LRRTM4: variants seen among roughly 807,000 people sequenced by gnomAD.
LRRTM4 encodes the protein leucine-rich repeat transmembrane neuronal protein 4.
A neutral mutation model predicts 47.6 loss-of-function variants in LRRTM4; 25 were observed. The observed-to-expected ratio is 0.53, with a 90% CI of 0.38 to 0.73. The LOEUF is 0.73. Ranked by LOEUF, LRRTM4 falls within the 30% of genes least tolerant of loss-of-function variation. The pLI is 0.00. For synonymous variants in LRRTM4, 311 were observed against 269.5 expected, an observed-to-expected ratio of 1.15 and a Z score of -1.51; for missense variants, 638 against 713.4, an observed-to-expected ratio of 0.89 and a Z score of 1.20.
chr2:77,466,584 T>C (rs1676990209), intron 3 of LRRTM4, among the ~76,000 whole-genome samples: 1 of 152,136 alleles, frequency 6.6e-6, no homozygotes, highest in Non-Finnish European at 1.5e-5. Context: ...TTGTGAAAAA[T>C]TGACAAATTC....
Position 76,747,797 on chromosome 2 carries a change from T to C in LRRTM4, c.*898A>G, listed in dbSNP as rs1672697399. ...AATTGATAATTAATTTAAAAAGCAA[T>C]GTTACACATTATCTTGTGTTTAGAA... On this transcript the variant is annotated 3_prime_UTR_variant, in exon 4 of 4. Transcript: ENST00000409884. 1 of 152,206 alleles carries C rather than the reference T, an allele frequency of 6.6e-6. No individual in the cohort carries two copies. Among genetic ancestry groups the C allele is most frequent in the African/African-American group, 2.4e-5 (1 of 41,454 alleles). The allele number at this position is 152,206 out of a possible 1,614,324, so 9.4% of individuals were successfully genotyped here. A position where few individuals can be genotyped will look rare whatever the true frequency, so the allele number is the denominator to read the frequency against.
chr2:77,285,491 CA>C (rs1452627104), intron 3 of LRRTM4, among the ~76,000 whole-genome samples: 1 of 151,622 alleles, frequency 6.6e-6, no homozygotes, highest in Non-Finnish European at 1.5e-5. Flanking sequence ...CCTGTAATCC[CA>C]GCACTTTGGG....
intron 3 of LRRTM4, among the ~76,000 whole-genome samples, chr2:77,481,806 G>C (rs752629576): frequency 1.9e-4 from 29 of 151,930 alleles, no homozygotes; most frequent in Middle Eastern, 3.4e-3. Context: ...AAGGATGAAG[G>C]CAACAGCTTT....
intron 3 of LRRTM4, among the ~76,000 whole-genome samples, chr2:77,032,814 T>C (rs923367266): frequency 2.0e-5 from 3 of 152,130 alleles, no homozygotes; most frequent in African/African-American, 7.2e-5. Context: ...AATGATATGT[T>C]TGGAAATGCT....
intron 3 of LRRTM4, among the ~76,000 whole-genome samples, chr2:77,453,608 C>CA (rs1676351059): frequency 6.6e-6 from 1 of 152,118 alleles, no homozygotes. Flanking sequence ...TGCTATTTGA[C>CA]AAATTTTAGC....
chr2:77,042,286 G>A (rs746259193), intron 3 of LRRTM4, among the ~76,000 whole-genome samples: 2 of 151,236 alleles, frequency 1.3e-5, no homozygotes, highest in African/African-American at 4.8e-5. Context: ...AGAAAAAATA[G>A]AAAGAAAGAA....
rs574612291 is a variant in LRRTM4, at chr2:77,270,615, G to T, written c.1551+247703C>A. Among the ~76,000 whole-genome samples, 7 of 152,126 alleles carry T rather than the reference G, an allele frequency of 4.6e-5. No homozygotes were observed. In the East Asian group the frequency reaches 1.2e-3, roughly 25 times the overall value. On this transcript the variant is annotated intron_variant, in intron 3 of 3. Coordinates refer to ENST00000409884, the MANE Select transcript of LRRTM4 (RefSeq NM_001134745.3). Reference sequence around the variant, plus strand: ...CTATTCTACTTCCTCATTCTTATTTGACCATTAACATTTCTGATACTATCC... The same window carrying T: ...CTATTCTACTTCCTCATTCTTATTTTACCATTAACATTTCTGATACTATCC...
rs991933877 is a variant in LRRTM4 at position 76,910,875 on chromosome 2, C to T, written c.1552-161959G>A. On this transcript the variant is annotated intron_variant, in intron 3 of 3. Transcript: ENST00000409884. ...TCTGTCTTTTCTGACCATTCTTGTGCATTCTGCGTCTGTACTAAATAGCAG... is the reference window on the plus strand; with the variant it reads ...TCTGTCTTTTCTGACCATTCTTGTGTATTCTGCGTCTGTACTAAATAGCAG... Among the ~76,000 whole-genome samples, 7 of 152,148 alleles carry T rather than the reference C, an allele frequency of 4.6e-5. No homozygotes were observed. In the South Asian group the frequency reaches 1.4e-3, roughly 32 times the overall value.
intron 3 of LRRTM4, among the ~76,000 whole-genome samples, chr2:77,220,408 G>A (rs956717885): frequency 5.9e-5 from 9 of 152,104 alleles, no homozygotes; most frequent in Admixed American, 2.0e-4. Flanking sequence ...AAACTACTCC[G>A]AGCTAAAGGA....
chr2:77,484,251 T>C (rs1367104563), intron 3 of LRRTM4, among the ~76,000 whole-genome samples: 3 of 152,244 alleles, frequency 2.0e-5, no homozygotes, highest in African/African-American at 4.8e-5. Context: ...AGGGGATTTC[T>C]TATGTAGATA....
intron 3 of LRRTM4, among the ~76,000 whole-genome samples, chr2:77,069,636 A>C (rs1680084602): frequency 6.6e-6 from 1 of 151,816 alleles, no homozygotes; most frequent in East Asian, 1.9e-4. Context: ...ATTTCAAGAG[A>C]TTTGTCTATT....
intron 3 of LRRTM4, among the ~76,000 whole-genome samples, chr2:77,262,979 C>A (rs1675959143): frequency 6.6e-6 from 1 of 151,948 alleles, no homozygotes; most frequent in African/African-American, 2.4e-5. Context: ...AGGTTGGTTG[C>A]CAAGGGAACG....
chr2:76,779,512 G>T (rs1483584013), intron 3 of LRRTM4, among the ~76,000 whole-genome samples: 3 of 141,982 alleles, frequency 2.1e-5, no homozygotes, highest in Non-Finnish European at 4.6e-5. Context: ...TTACCATCAT[G>T]TAATGGCCTT....
At chr2:77,225,424 G>GAA (rs34525667) in intron 3 of LRRTM4, among the ~76,000 whole-genome samples, 1 of 143,960 alleles carries the variant, frequency 6.9e-6, no homozygotes. Context: ...AAAATTGTGA[G>GAA]AAAAAAAAAA....
rs1335616878 is a variant in LRRTM4, at chr2:76,764,044, TGTA to T, written c.1552-15131_1552-15129del. ...GTAAAAAGAACTCAGTTGAATGTGT[TGTA>T]GTGTTTAGAGGAAGAAAAATTGTTA... On this transcript the variant is annotated intron_variant, in intron 3 of 3. Transcript: ENST00000409884. Among the ~76,000 whole-genome samples the T allele has an allele frequency of 1.3e-4, 20 of 152,244 alleles. No individual in the cohort carries two copies. In the East Asian group the frequency reaches 3.7e-3, roughly 28 times the overall value.
rs547265656 is a variant in LRRTM4, at chr2:76,950,221, T to C, written c.1552-201305A>G. On this transcript the variant is annotated intron_variant, in intron 3 of 3. Transcript: ENST00000409884. ...AGAAAACAAGAGCAACCACCAGTTC[T>C]GAAAAGTAGTCTAAATACATATATT... Among the ~76,000 whole-genome samples, 340 of 152,114 alleles carry C rather than the reference T, an allele frequency of 2.2e-3. 1 individual carries two copies. Among genetic ancestry groups the C allele is most frequent in the Non-Finnish European group, 3.9e-3 (263 of 67,920 alleles).
intron 3 of LRRTM4, among the ~76,000 whole-genome samples, chr2:77,181,063 C>A (rs1197266393): frequency 6.6e-6 from 1 of 152,064 alleles, no homozygotes; most frequent in African/African-American, 2.4e-5. Context: ...TTACAAATGA[C>A]TTTACCAAAG....
chr2:76,842,291 C>A (rs1051500509), intron 3 of LRRTM4, among the ~76,000 whole-genome samples: 10 of 152,174 alleles, frequency 6.6e-5, no homozygotes, highest in African/African-American at 2.2e-4. Context: ...CTCAGGCCTT[C>A]ATACTACACC....
chr2:76,813,079 G>A (rs187320009), intron 3 of LRRTM4, among the ~76,000 whole-genome samples: 3 of 151,992 alleles, frequency 2.0e-5, no homozygotes, highest in East Asian at 3.9e-4. Context: ...CAGGACAATC[G>A]CTTGAACCCA....
Sources: allele counts gnomAD v4.1 joint callset (sites outside exome capture counted in the v4.1 genomes callset), GRCh38; gene constraint gnomAD v4.1.1; transcripts MANE v1.5; gene names NCBI Gene and HGNC (gene_info 2026-07-23, HGNC 2026-07-21).